BNC2: variants seen among roughly 807,000 people sequenced by gnomAD.
The protein encoded by BNC2 is zinc finger protein basonuclin-2.
Under a neutral mutation model 76.3 loss-of-function variants are expected in BNC2, and 20 were observed. That is an observed-to-expected ratio of 0.26 (90% confidence interval 0.18 to 0.38). The LOEUF (loss-of-function observed/expected upper bound fraction) is 0.38. Ranked by LOEUF, BNC2 falls within the 10% of genes least tolerant of loss-of-function variation. BNC2 has a pLI of 1.00. For synonymous variants in BNC2, 582 were observed against 514.8 expected (o/e 1.13, Z -1.77); for missense variants, 1,382 against 1,399.8 (o/e 0.99, Z 0.20).
chr9:16,428,241 C>G (rs887515244), intron 6 of BNC2, among the ~76,000 whole-genome samples: 1 of 152,118 alleles, frequency 6.6e-6, no homozygotes, highest in Non-Finnish European at 1.5e-5. Flanking sequence ...AACACAATTA[C>G]GAGTGAGCGA....
At position 16,419,292 on chromosome 9, in the gene BNC2, A is replaced by C; in HGVS notation, c.2997T>G (p.Ser999Arg). 6.2e-7 allele frequency: 1 copy of C among 1,614,048 alleles called. No homozygotes were observed. ...LLDDIDGASD[S>R]GESAHKAEAP... Reference sequence around the variant, plus strand: ...CCTCGGCCTTGTGTGCCGACTCCCCACTGTCACTCGCCCCGTCAATGTCAT... The same window carrying C: ...CCTCGGCCTTGTGTGCCGACTCCCCCCTGTCACTCGCCCCGTCAATGTCAT... The change falls in exon 7 of 7, where the codon AGT becomes AGG. Residue 999 changes from serine (S) to arginine (R), a missense_variant. Coordinates refer to ENST00000380672, the MANE Select transcript of BNC2 (RefSeq NM_017637.6).
chr9:16,705,442 C>T (rs1285480363), intron 3 of BNC2, among the ~76,000 whole-genome samples: 1 of 152,162 alleles, frequency 6.6e-6, no homozygotes. Context: ...TTGAACATGA[C>T]CCCTGACCCC....
chr9:16,732,794 A>C (rs1824553492), intron 2 of BNC2, among the ~76,000 whole-genome samples: 1 of 152,206 alleles, frequency 6.6e-6, no homozygotes, highest in South Asian at 2.1e-4. Flanking sequence ...TTGCCAAAAT[A>C]ATAAAAATGA....
At chr9:16,540,092 T>C (rs896687788) in intron 5 of BNC2, among the ~76,000 whole-genome samples, 2 of 150,942 alleles carry the variant, frequency 1.3e-5, no homozygotes, top group African/African-American at 4.9e-5. Flanking sequence ...TTAACATGCA[T>C]AGTAAAAAAA....
intron 3 of BNC2, among the ~76,000 whole-genome samples, chr9:16,719,158 T>C (rs944951376): frequency 5.3e-5 from 8 of 152,190 alleles, no homozygotes; most frequent in Non-Finnish European, 1.0e-4. Flanking sequence ...CTCATGAATA[T>C]GCTCAGTGTA....
chr9:16,720,179 C>T (rs528121104), intron 3 of BNC2, among the ~76,000 whole-genome samples: 3 of 152,274 alleles, frequency 2.0e-5, no homozygotes, highest in East Asian at 1.9e-4. Context: ...AGGACCACAC[C>T]TGAGGGTGGC....
chr9:16,714,016 G>A (rs765574100), intron 3 of BNC2, among the ~76,000 whole-genome samples: 27 of 152,238 alleles, frequency 1.8e-4, no homozygotes, highest in Non-Finnish European at 2.5e-4. Context: ...AGAGGTGGAT[G>A]CTGGCCATGA....
rs186686851 is a variant in BNC2 at position 16,519,783 on chromosome 9, G to T, written c.669+32747C>A. Reference sequence around the variant, plus strand: ...GAAAAGTGAGGTTCATGGAGGTTAAGTAATTTGCTCAAGTCATACAACTGG... The same window carrying T: ...GAAAAGTGAGGTTCATGGAGGTTAATTAATTTGCTCAAGTCATACAACTGG... On this transcript the variant is annotated intron_variant, in intron 5 of 6. Coordinates refer to ENST00000380672, the MANE Select transcript of BNC2 (RefSeq NM_017637.6). Among the ~76,000 whole-genome samples the T allele has an allele frequency of 3.9e-5, 6 of 152,358 alleles. No individual in the cohort carries two copies. The East Asian group carries it at 9.6e-4, about 24-fold the overall frequency.
intron 5 of BNC2, among the ~76,000 whole-genome samples, chr9:16,444,516 T>C (rs901001855): frequency 2.0e-5 from 3 of 152,120 alleles, no homozygotes; most frequent in Non-Finnish European, 2.9e-5. Context: ...TTAGGAGATA[T>C]ACCATCTAAC....
At chr9:16,683,390 A>G (rs1822881696) in intron 3 of BNC2, among the ~76,000 whole-genome samples, 1 of 152,198 alleles carries the variant, frequency 6.6e-6, no homozygotes, top group Non-Finnish European at 1.5e-5. Context: ...AAAGAATATA[A>G]ACAAACCGCT....
rs184595339 is a variant in BNC2, at chr9:16,418,325, A to T, written c.*664T>A. The T allele has an allele frequency of 3.4e-3, 515 of 152,852 alleles. No homozygotes were observed. Among genetic ancestry groups the T allele is most frequent in the Non-Finnish European group, 5.2e-3 (357 of 68,104 alleles). The allele number at this position is 152,852 out of a possible 1,614,324, so 9.5% of individuals were successfully genotyped here. A position where few individuals can be genotyped will look rare whatever the true frequency, so the allele number is the denominator to read the frequency against. ...TTTAAAAATGTGCATTAATGCTAACATAAATGAATAGAGCTAGCCAGCAAA... is the reference window on the plus strand; with the variant it reads ...TTTAAAAATGTGCATTAATGCTAACTTAAATGAATAGAGCTAGCCAGCAAA... On this transcript the variant is annotated 3_prime_UTR_variant, in exon 7 of 7. Transcript: ENST00000380672.
At chr9:16,788,704 G>C (rs1297457138) in intron 1 of BNC2, among the ~76,000 whole-genome samples, 2 of 152,074 alleles carry the variant, frequency 1.3e-5, no homozygotes, top group African/African-American at 2.4e-5. Context: ...AACAAGATCA[G>C]TGCCTAGCAA....
At chr9:16,863,937 C>A (rs1468533954) in intron 1 of BNC2, among the ~76,000 whole-genome samples, 2 of 152,056 alleles carry the variant, frequency 1.3e-5, no homozygotes, top group East Asian at 1.9e-4. Flanking sequence ...GAAAAAAAGA[C>A]AAACTTTTGG....
At chr9:16,468,401 T>A (rs952798149) in intron 5 of BNC2, among the ~76,000 whole-genome samples, 3 of 151,318 alleles carry the variant, frequency 2.0e-5, no homozygotes, top group African/African-American at 7.3e-5. Context: ...TTTTTTTTTA[T>A]TTTTTATTTT....
intron 1 of BNC2, among the ~76,000 whole-genome samples, chr9:16,751,208 T>C (rs1231922519): frequency 6.6e-6 from 1 of 150,882 alleles, no homozygotes; most frequent in Non-Finnish European, 1.5e-5. Context: ...TAAAAAAAAC[T>C]ACAAAACTGT....
intron 1 of BNC2, among the ~76,000 whole-genome samples, chr9:16,810,901 T>A (rs965395369): frequency 2.6e-5 from 4 of 152,112 alleles, no homozygotes; most frequent in Admixed American, 6.6e-5. Flanking sequence ...AAATTTTTTT[T>A]AAAAGGGGCT....
intron 1 of BNC2, among the ~76,000 whole-genome samples, chr9:16,823,502 C>CT (rs1818387182): frequency 6.6e-6 from 1 of 150,800 alleles, no homozygotes; most frequent in Non-Finnish European, 1.5e-5. Flanking sequence ...ACCTGAGAGG[C>CT]TGAGATAGGA....
intron 1 of BNC2, among the ~76,000 whole-genome samples, chr9:16,748,565 C>T (rs994733637): frequency 6.6e-5 from 10 of 150,814 alleles, no homozygotes; most frequent in South Asian, 6.3e-4. Context: ...AGAATTTGCC[C>T]GGGTGCAGTG....
intron 2 of BNC2, among the ~76,000 whole-genome samples, chr9:16,730,859 C>T (rs903475160): frequency 1.3e-5 from 2 of 152,166 alleles, no homozygotes; most frequent in African/African-American, 4.8e-5. Context: ...TACTTTGTAA[C>T]ACAAATTTAC....
Sources: gnomAD v4.1 joint callset for allele counts (sites outside exome capture counted in the v4.1 genomes callset) on GRCh38, gnomAD v4.1.1 for gene constraint, MANE v1.5 for transcripts, NCBI Gene and HGNC (gene_info 2026-07-23, HGNC 2026-07-21) for gene names.